RIPPLY3: variants seen among roughly 807,000 people sequenced by gnomAD.
RIPPLY3 encodes the protein ripply transcriptional repressor 3, also known as protein ripply3.
A neutral mutation model predicts 11.9 loss-of-function variants in RIPPLY3; 8 were observed. The observed-to-expected ratio is 0.67, with a 90% CI of 0.40 to 1.21. RIPPLY3 has a LOEUF of 1.21. Ranked by LOEUF, RIPPLY3 falls within the 50% of genes most tolerant of loss-of-function variation. The pLI is 0.01. For missense variants in RIPPLY3, 271 were observed against 246.0 expected (o/e 1.10, Z -0.68); for synonymous variants, 102 against 99.0 (o/e 1.03, Z -0.18).
chr21:37,017,798 G>A, intron 3 of RIPPLY3, 76 bp from the exon 4 acceptor site: 1 of 1,264,534 alleles, frequency 7.9e-7, no homozygotes. Flanking sequence ...TCTGCTTCTG[G>A]GAAAAAGCAC....
chr21:37,010,428 G>A (rs976882511), intron 2 of RIPPLY3, among the ~76,000 whole-genome samples: 1 of 152,170 alleles, frequency 6.6e-6, no homozygotes, highest in African/African-American at 2.4e-5. Context: ...GGGAGGCAGA[G>A]GTTGCAGTGA....
intron 2 of RIPPLY3, 82 bp from the exon 3 acceptor site, chr21:37,013,469 C>A: frequency 1.7e-6 from 2 of 1,167,074 alleles, no homozygotes; most frequent in Non-Finnish European, 2.5e-6. Flanking sequence ...AGATGACTTA[C>A]GTTCTGTGGT....
In RIPPLY3 at chr21:37,019,041, A is replaced by T. The variant is rs989906018; in HGVS notation, c.*834A>T. 6.6e-6 allele frequency: 1 copy of T among 151,972 alleles called. No individual in the cohort carries two copies. The highest frequency in any genetic ancestry group is 1.5e-5 in the Non-Finnish European group (1 of 68,000). 9.4% of individuals were successfully genotyped at this position (151,972 alleles called of 1,614,324 possible). On this transcript the variant is annotated 3_prime_UTR_variant, in exon 4 of 4. Coordinates refer to ENST00000329553, the MANE Select transcript of RIPPLY3 (RefSeq NM_018962.3). The stretch of plus-strand genomic sequence containing the variant: ...AAAAAATTTTTTTAACCCGCCGAAT[A>T]ATTCCCATAAGAGTAACAAAAAGGA...
upstream of RIPPLY3, chr21:37,006,666 C>T: frequency 1.5e-6 from 1 of 687,984 alleles, no homozygotes; most frequent in African/African-American, 1.9e-5. This position sits in a 1 kb window ranked among gnomAD's most constrained non-coding sequence, Gnocchi z 5.2. Flanking sequence ...CCGCCCCGCC[C>T]CCGTTTTTAA....
chr21:37,006,816 G>T lies in RIPPLY3; in HGVS notation c.44G>T (p.Arg15Leu). ...GCCGGAGCCCGGAAGGCGCGGGGGCGCGGCTGTCACTGCCCCGGGGACGCT... is the reference window on the plus strand; with the variant it reads ...GCCGGAGCCCGGAAGGCGCGGGGGCTCGGCTGTCACTGCCCCGGGGACGCT... ...AAAGARKARG[R>L]GCHCPGDAPW... The change falls in exon 1 of 4, where the codon CGC (arginine) becomes CTC (leucine). Residue 15 changes from arginine to leucine, a missense_variant. Arg to Leu is a moderately radical substitution (Grantham distance 102). Coordinates refer to ENST00000329553, the MANE Select transcript of RIPPLY3 (RefSeq NM_018962.3). The surrounding 1 kb of genome is among the most constrained non-coding windows in gnomAD (Gnocchi z 5.2). 5 of 1,230,160 alleles carry T rather than the reference G, an allele frequency of 4.1e-6. No individual in the cohort carries two copies. Among genetic ancestry groups the T allele is most frequent in the Non-Finnish European group, 5.1e-6 (5 of 986,976 alleles). The allele number at this position is 1,230,160 out of a possible 1,614,324, so 76.2% of individuals were successfully genotyped here. A position where few individuals can be genotyped will look rare whatever the true frequency, so the allele number is the denominator to read the frequency against.
intron 1 of RIPPLY3, among the ~76,000 whole-genome samples, chr21:37,007,756 T>A (rs2069480496): frequency 2.0e-5 from 3 of 152,138 alleles, no homozygotes; most frequent in Non-Finnish European, 4.4e-5. Flanking sequence ...TGTAAAATCA[T>A]CTCTGTAGAA....
Position 37,018,130 on chromosome 21 carries a change from G to A in RIPPLY3, c.496G>A (p.Gly166Arg), listed in dbSNP as rs770895515. ...CAACCAAGGGCAGCGATCCTCAGGAGGGGGTGACCACTGGGGGGAGGGTCC... is the reference window on the plus strand; with the variant it reads ...CAACCAAGGGCAGCGATCCTCAGGAAGGGGTGACCACTGGGGGGAGGGTCC... ...GINQGQRSSG[G>R]GDHWGEGPLP... Residue 166 changes from glycine (G) to arginine (R), a missense_variant, in exon 4 of 4, where the codon GGG becomes AGG. Physicochemically the swap from Gly to Arg is moderately radical, Grantham distance 125. Transcript: ENST00000329553. The A allele has an allele frequency of 2.7e-5, 44 of 1,613,856 alleles. No individual in the cohort carries two copies. The highest frequency in any genetic ancestry group is 5.5e-5 in the South Asian group (5 of 91,086).
chr21:37,006,664 C>T, upstream of RIPPLY3: 2 of 662,760 alleles, frequency 3.0e-6, no homozygotes, highest in Non-Finnish European at 4.2e-6. This position sits in a 1 kb window ranked among gnomAD's most constrained non-coding sequence, Gnocchi z 5.2. Flanking sequence ...CGCCGCCCCG[C>T]CCCCGTTTTT....
chr21:37,010,100 T>G (rs934757585), intron 2 of RIPPLY3, among the ~76,000 whole-genome samples: 4 of 152,208 alleles, frequency 2.6e-5, no homozygotes, highest in Admixed American at 2.6e-4. Context: ...AGCCCTCTTC[T>G]GTATTTCTCA....
In RIPPLY3 at chr21:37,006,896, C is replaced by T. The variant is rs577447907; in HGVS notation, c.104+20C>T. ...GGAGAGGTGAGGGTGGCCCCGCGCC[C>T]CGGTGGACGCGCTGAGAGGCGTGCG... On this transcript the variant is annotated intron_variant, in intron 1 of 3. Transcript: ENST00000329553. This position sits in a 1 kb window ranked among gnomAD's most constrained non-coding sequence, Gnocchi z 5.2. The T allele has an allele frequency of 2.5e-6, 3 of 1,192,968 alleles. No individual in the cohort carries two copies. Among genetic ancestry groups the T allele is most frequent in the African/African-American group, 3.2e-5 (2 of 63,394 alleles). 73.9% of individuals were successfully genotyped at this position (1,192,968 alleles called of 1,614,324 possible). A position where few individuals can be genotyped will look rare whatever the true frequency, so the allele number is the denominator to read the frequency against.
intron 2 of RIPPLY3, among the ~76,000 whole-genome samples, chr21:37,011,147 C>A (rs748245047): frequency 6.6e-6 from 1 of 152,086 alleles, no homozygotes; most frequent in East Asian, 1.9e-4. Context: ...GGATTACAAG[C>A]GTGCGCCACC....
chr21:37,012,000 G>T (rs2069527583), intron 2 of RIPPLY3, among the ~76,000 whole-genome samples: 1 of 147,858 alleles, frequency 6.8e-6, no homozygotes, highest in African/African-American at 2.5e-5. Context: ...CCTTACAGGC[G>T]AATTTGCTCA....
chr21:37,012,960 G>A (rs2146776586), intron 2 of RIPPLY3, among the ~76,000 whole-genome samples: 1 of 150,760 alleles, frequency 6.6e-6, no homozygotes, highest in Middle Eastern at 3.4e-3. Flanking sequence ...CACCTCCCAG[G>A]TTCAAGTGAT....
chr21:37,017,900 A>G lies in RIPPLY3; in HGVS notation c.266A>G (p.Gln89Arg), dbSNP rs1320615223. The stretch of plus-strand genomic sequence containing the variant: ...GTCTATTTACCCATGTCAAAGCGTC[A>G]AGAATACCTGCGGAGTTCCGGGGAG... ...VRVYLPMSKR[Q>R]EYLRSSGEQV... The change falls in exon 4 of 4, where the codon CAA (glutamine) becomes CGA (arginine). Residue 89 changes from glutamine to arginine, a missense_variant. Gln to Arg is a conservative substitution (Grantham distance 43, BLOSUM62 1). Coordinates refer to ENST00000329553, the MANE Select transcript of RIPPLY3 (RefSeq NM_018962.3). 3 of 1,613,540 alleles carry G rather than the reference A, an allele frequency of 1.9e-6. No individual in the cohort carries two copies. Among genetic ancestry groups the G allele is most frequent in the Non-Finnish European group, 2.5e-6 (3 of 1,179,770 alleles).
At chr21:37,008,734 G>T (rs1053987851) in intron 2 of RIPPLY3, among the ~76,000 whole-genome samples, 2 of 147,762 alleles carry the variant, frequency 1.4e-5, no homozygotes, top group African/African-American at 2.5e-5. Flanking sequence ...CTCCAGTGTG[G>T]GCGACAGAGC....
chr21:37,012,146 A>G (rs2069529387), intron 2 of RIPPLY3, among the ~76,000 whole-genome samples: 2 of 150,940 alleles, frequency 1.3e-5, no homozygotes, highest in Admixed American at 6.6e-5. Context: ...TCTGGTTCCA[A>G]TTGAACTTTG....
intron 2 of RIPPLY3, among the ~76,000 whole-genome samples, chr21:37,012,237 T>C (rs1360115490): frequency 6.8e-6 from 1 of 148,066 alleles, no homozygotes; most frequent in Non-Finnish European, 1.5e-5. Flanking sequence ...ATTATTATTA[T>C]TATTATTATT....
At chr21:37,017,804 AG>A (rs2069593501) in intron 3 of RIPPLY3, 69 bp from the exon 4 acceptor site, 1 of 1,315,330 alleles carries the variant, frequency 7.6e-7, no homozygotes, top group South Asian at 1.5e-5. Context: ...TCTGGGAAAA[AG>A]CACCCTCTAG....
chr21:37,007,804 T>A (rs890767525), intron 1 of RIPPLY3, among the ~76,000 whole-genome samples: 1 of 152,158 alleles, frequency 6.6e-6, no homozygotes, highest in East Asian at 1.9e-4. Context: ...GTGATTGAAA[T>A]TAACCGGGGA....
Sources: gnomAD v4.1 joint callset for allele counts (sites outside exome capture counted in the v4.1 genomes callset) on GRCh38, gnomAD v4.1.1 for gene constraint, Gnocchi (gnomAD v3.1) non-coding constraint, MANE v1.5 for transcripts, NCBI Gene and HGNC (gene_info 2026-07-23, HGNC 2026-07-21) for gene names.